Variants in AKAP6 observed in about 807,000 individuals in gnomAD.
AKAP6 encodes A-kinase anchor protein 6.
AKAP6 carries 58 observed loss-of-function variants against 188.5 expected under a neutral mutation model. The observed-to-expected ratio is 0.31, with a 90% CI of 0.25 to 0.38. AKAP6 has a LOEUF of 0.38. Ranked by LOEUF, AKAP6 falls within the 10% of genes least tolerant of loss-of-function variation. The pLI, the probability that AKAP6 is intolerant of heterozygous loss-of-function variation, is 1.00. For missense variants in AKAP6, 2,710 were observed against 2,740.0 expected (o/e 0.99, Z 0.24); for synonymous variants, 989 against 998.6 (o/e 0.99, Z 0.18).
chr14:32,803,945 A>G (rs2034023152), intron 12 of AKAP6, among the ~76,000 whole-genome samples: 1 of 152,164 alleles, frequency 6.6e-6, no homozygotes, highest in African/African-American at 2.4e-5. Flanking sequence ...CAACTCACTC[A>G]TTATCAGTCC....
intron 9 of AKAP6, among the ~76,000 whole-genome samples, chr14:32,706,156 C>T (rs1488608430): frequency 6.6e-6 from 1 of 152,150 alleles, no homozygotes; most frequent in Non-Finnish European, 1.5e-5. Context: ...TGCTCGCCTG[C>T]TCATTGTTGC....
intron 5 of AKAP6, among the ~76,000 whole-genome samples, chr14:32,587,599 A>C (rs992622688): frequency 2.0e-5 from 3 of 152,214 alleles, no homozygotes; most frequent in Admixed American, 6.5e-5. Flanking sequence ...GGTAGTTAAG[A>C]ATAGAGAAGA....
intron 1 of AKAP6, among the ~76,000 whole-genome samples, chr14:32,364,987 C>A (rs1566465864): frequency 6.6e-6 from 1 of 152,154 alleles, no homozygotes; most frequent in Non-Finnish European, 1.5e-5. Flanking sequence ...CCTAGACCAA[C>A]CCCCTTACTT....
At chr14:32,716,816 A>G (rs1186549569) in intron 9 of AKAP6, among the ~76,000 whole-genome samples, 5 of 151,930 alleles carry the variant, frequency 3.3e-5, no homozygotes, top group Non-Finnish European at 7.4e-5. Context: ...GAAAATAAAA[A>G]CCATGGGAAA....
In AKAP6 at chr14:32,823,291, G is replaced by A. The variant is rs1247582757; in HGVS notation, c.5478G>A (p.Lys1826=). The A allele has an allele frequency of 6.2e-7, 1 of 1,613,606 alleles. No individual in the cohort carries two copies. The highest frequency in any genetic ancestry group is 1.3e-5 in the African/African-American group (1 of 74,826). Reference sequence around the variant, plus strand: ...GGTGCAATGTCAGTGATGAGATGAAGGGCAGTAAAGATATAAGTAGCAGTG... The same window carrying A: ...GGTGCAATGTCAGTGATGAGATGAAAGGCAGTAAAGATATAAGTAGCAGTG... ...KKRCNVSDEM[K]GSKDISSSEM... is the part of the protein sequence containing the mutation. The change falls in exon 13 of 14, where the codon AAG becomes AAA. Residue 1826 remains lysine, a synonymous_variant. Coordinates refer to ENST00000280979, the MANE Select transcript of AKAP6 (RefSeq NM_004274.5).
At chr14:32,699,295 TA>T (rs1566654086) in intron 9 of AKAP6, among the ~76,000 whole-genome samples, 1 of 152,130 alleles carries the variant, frequency 6.6e-6, no homozygotes, top group Admixed American at 6.5e-5. Flanking sequence ...ATATCCTGAG[TA>T]CAGCATCTAT....
At chr14:32,473,838 C>T (rs879662155) in intron 2 of AKAP6, 8 of 152,250 alleles carry the variant, frequency 5.3e-5, no homozygotes, top group African/African-American at 9.7e-5. Flanking sequence ...TTCCTTGACA[C>T]CTCATACAGC....
In AKAP6 at chr14:32,821,411, A is replaced by G; in HGVS notation, c.3598A>G (p.Asn1200Asp). Residue 1200 changes from asparagine (N) to aspartate (D), a missense_variant, in exon 13 of 14, where the codon AAT (asparagine) becomes GAT (aspartate). Asn to Asp is a conservative substitution (Grantham distance 23). Coordinates refer to ENST00000280979, the MANE Select transcript of AKAP6 (RefSeq NM_004274.5). ...TCTTTCTCTCACACAGGAGACTTTGAATGTGATTGATCCTGGCTTGATGGA... is the reference window on the plus strand; with the variant it reads ...TCTTTCTCTCACACAGGAGACTTTGGATGTGATTGATCCTGGCTTGATGGA... ...KKMGKESETL[N>D]VIDPGLMDLN... is the part of the protein sequence containing the mutation. 1.2e-6 allele frequency: 2 copies of G among 1,602,822 alleles called. No homozygotes were observed. The highest frequency in any genetic ancestry group is 1.7e-6 in the Non-Finnish European group (2 of 1,173,900).
At chr14:32,609,082 A>G (rs532405113) in intron 7 of AKAP6, among the ~76,000 whole-genome samples, 4 of 152,250 alleles carry the variant, frequency 2.6e-5, no homozygotes, top group Admixed American at 2.6e-4. Flanking sequence ...CCTGCCTGCT[A>G]AAGGGATTAC....
chr14:32,502,236 T>G (rs1880642704), intron 2 of AKAP6, among the ~76,000 whole-genome samples: 1 of 152,170 alleles, frequency 6.6e-6, no homozygotes, highest in African/African-American at 2.4e-5. Flanking sequence ...TTGGATAAGC[T>G]GTTTTATTTC....
intron 9 of AKAP6, among the ~76,000 whole-genome samples, chr14:32,700,506 C>A (rs1890577848): frequency 6.6e-6 from 1 of 152,160 alleles, no homozygotes; most frequent in Admixed American, 6.5e-5. Context: ...TAGTCATGGG[C>A]TGCATAACAA....
intron 1 of AKAP6, among the ~76,000 whole-genome samples, chr14:32,407,399 G>A (rs766953436): frequency 1.6e-4 from 25 of 152,220 alleles, no homozygotes; most frequent in East Asian, 1.9e-4. Flanking sequence ...TCTCCAGCTC[G>A]GCTATGTGTG....
intron 11 of AKAP6, among the ~76,000 whole-genome samples, chr14:32,752,506 G>C (rs1209506900): frequency 2.0e-5 from 3 of 152,152 alleles, no homozygotes; most frequent in Non-Finnish European, 4.4e-5. Flanking sequence ...AGGTATAACA[G>C]ACAAATAAGA....
chr14:32,592,843 G>A (rs1885542456), intron 5 of AKAP6, among the ~76,000 whole-genome samples: 1 of 152,138 alleles, frequency 6.6e-6, no homozygotes, highest in South Asian at 2.1e-4. Context: ...AGTACACAGA[G>A]GTTGGCCAAA....
intron 2 of AKAP6, among the ~76,000 whole-genome samples, chr14:32,449,974 C>T (rs1346599182): frequency 6.6e-6 from 1 of 152,172 alleles, no homozygotes. Flanking sequence ...AGTCAGTTGT[C>T]ATGCCTACCC....
chr14:32,563,978 G>T (rs1252119663), intron 4 of AKAP6, among the ~76,000 whole-genome samples: 1 of 151,998 alleles, frequency 6.6e-6, no homozygotes, highest in South Asian at 2.1e-4. Flanking sequence ...CTCAGTATCC[G>T]TGGGGGATTC....
chr14:32,700,328 C>G (rs1890570800), intron 9 of AKAP6, among the ~76,000 whole-genome samples: 1 of 152,110 alleles, frequency 6.6e-6, no homozygotes, highest in Non-Finnish European at 1.5e-5. Flanking sequence ...GAATTCCAGA[C>G]TCCAAGGGTT....
intron 2 of AKAP6, among the ~76,000 whole-genome samples, chr14:32,487,759 A>G (rs1386021492): frequency 5.3e-5 from 8 of 151,916 alleles, no homozygotes; most frequent in Non-Finnish European, 1.2e-4. Flanking sequence ...TGTTGATGCT[A>G]TTGCTTTCTG....
rs1359607911 is a variant in AKAP6, at chr14:32,546,264, T to C, written c.1611T>C (p.Thr537=). ...SAVPNGELSY[T]SKAIEGPQTN... The stretch of plus-strand genomic sequence containing the variant: ...TGCCAAATGGAGAGCTTTCTTATAC[T>C]TCCAAGGCCATAGAGGGGCCACAAA... Residue 537 remains threonine, a synonymous_variant, in exon 4 of 14, where the codon ACT becomes ACC. Coordinates refer to ENST00000280979, the MANE Select transcript of AKAP6 (RefSeq NM_004274.5). 4 of 1,614,196 alleles carry C rather than the reference T, an allele frequency of 2.5e-6. No homozygotes were observed. In the Admixed American group the frequency reaches 6.7e-5, roughly 27 times the overall value.
Sources: gnomAD v4.1 joint callset for allele counts (sites outside exome capture counted in the v4.1 genomes callset) on GRCh38, gnomAD v4.1.1 for gene constraint, MANE v1.5 for transcripts, NCBI Gene and HGNC (gene_info 2026-07-23, HGNC 2026-07-21) for gene names.